The following ONECUT3 variants were observed in gnomAD, a reference collection of about 807,000 sequenced individuals.
The protein encoded by ONECUT3 is one cut homeobox 3, also known as one cut domain family member 3.
In ONECUT3, 11 loss-of-function variants were observed where a neutral mutation model predicts 16.8. The ratio of observed to expected loss-of-function variants is 0.66; its 90% CI spans 0.41 to 1.09. The LOEUF is 1.09. Among genes scored for constraint, ONECUT3 ranks in the 50% least tolerant of loss-of-function variants. The pLI is 0.00. For synonymous variants in ONECUT3, 344 were observed against 310.7 expected, an observed-to-expected ratio of 1.11 and a Z score of -1.13; for missense variants, 637 against 629.9, an observed-to-expected ratio of 1.01 and a Z score of -0.12.
At chr19:1,756,744 C>A (rs2067918338) in intron 1 of ONECUT3, among the ~76,000 whole-genome samples, 1 of 125,020 alleles carries the variant, frequency 8.0e-6, no homozygotes, top group Non-Finnish European at 1.6e-5. Context: ...GATGGAGTTT[C>A]ACCATGTTGG....
rs981423527 is a variant in ONECUT3 at position 1,759,565 on chromosome 19, C to T, written c.1192+4711C>T. ...GACCCCTGTGCCTTTTGCAAAAACC[C>T]CACTTTCCACTGCAAGGGGTCCACG... On this transcript the variant is annotated intron_variant, in intron 1 of 1. Transcript: ENST00000382349. The surrounding 1 kb of genome is among the most constrained non-coding windows in gnomAD (Gnocchi z 4.1). Among the ~76,000 whole-genome samples the T allele has an allele frequency of 9.9e-5, 15 of 152,020 alleles. No homozygotes were observed. The highest frequency in any genetic ancestry group is 3.4e-4 in the African/African-American group (14 of 41,380).
chr19:1,765,398 G>A (rs150572224), intron 1 of ONECUT3, among the ~76,000 whole-genome samples: 4 of 152,260 alleles, frequency 2.6e-5, no homozygotes, highest in Non-Finnish European at 5.9e-5. Flanking sequence ...GTATCCACTC[G>A]AAGGCCTCAG....
chr19:1,772,944 C>T (rs1387656646), intron 1 of ONECUT3, among the ~76,000 whole-genome samples: 1 of 150,714 alleles, frequency 6.6e-6, no homozygotes, highest in African/African-American at 2.5e-5. Context: ...ACCTCGTGAT[C>T]CGCCCGCCTC....
At position 1,754,187 on chromosome 19, in the gene ONECUT3, G is replaced by C; in HGVS notation, c.525G>C (p.Arg175=). The C allele has an allele frequency of 8.6e-7, 1 of 1,161,026 alleles. No individual in the cohort carries two copies. 71.9% of individuals were successfully genotyped at this position (1,161,026 alleles called of 1,614,324 possible). ...SGSFTLMRDE[R]AALASVGHLY... is the part of the protein sequence containing the mutation. ...GCTTCACCCTCATGCGCGACGAGCGGGCGGCGCTCGCCTCCGTGGGCCACC... is the reference window on the plus strand; with the variant it reads ...GCTTCACCCTCATGCGCGACGAGCGCGCGGCGCTCGCCTCCGTGGGCCACC... The change falls in exon 1 of 2, where the codon CGG becomes CGC. Residue 175 remains arginine (R), a synonymous_variant. Coordinates refer to ENST00000382349, the MANE Select transcript of ONECUT3 (RefSeq NM_001080488.2). The surrounding 1 kb of genome is among the most constrained non-coding windows in gnomAD (Gnocchi z 7.4).
At position 1,775,515 on chromosome 19, in the gene ONECUT3, T is replaced by G; in HGVS notation, c.*70T>G. 1 of 1,386,962 alleles carries G rather than the reference T, an allele frequency of 7.2e-7. No individual in the cohort carries two copies. The highest frequency in any genetic ancestry group is 9.3e-7 in the Non-Finnish European group (1 of 1,075,616). 85.9% of individuals were successfully genotyped at this position (1,386,962 alleles called of 1,614,324 possible). On this transcript the variant is annotated 3_prime_UTR_variant, in exon 2 of 2. Coordinates refer to ENST00000382349, the MANE Select transcript of ONECUT3 (RefSeq NM_001080488.2). Reference sequence around the variant, plus strand: ...TGTGCCCCCACGTCACCTCCCCACATCCTGCCGGCCCGGAGACCCGCCCCC... The same window carrying G: ...TGTGCCCCCACGTCACCTCCCCACAGCCTGCCGGCCCGGAGACCCGCCCCC...
At chr19:1,757,131 A>AT (rs1555798939) in intron 1 of ONECUT3, among the ~76,000 whole-genome samples, 3 of 79,740 alleles carry the variant, frequency 3.8e-5, no homozygotes, top group East Asian at 5.3e-4. Context: ...GAGAAGTCCC[A>AT]TGGGGGGGGG....
intron 1 of ONECUT3, among the ~76,000 whole-genome samples, chr19:1,770,356 G>C (rs2068042866): frequency 6.6e-6 from 1 of 152,082 alleles, no homozygotes; most frequent in African/African-American, 2.4e-5. Flanking sequence ...AGGATTGCTT[G>C]AGCCCAGGAG....
intron 1 of ONECUT3, among the ~76,000 whole-genome samples, chr19:1,770,939 A>G (rs1600356371): frequency 6.6e-6 from 1 of 152,190 alleles, no homozygotes; most frequent in South Asian, 2.1e-4. Flanking sequence ...CAGTCTCTCA[A>G]TATAATTACA....
intron 1 of ONECUT3, among the ~76,000 whole-genome samples, chr19:1,773,791 T>A (rs1473792102): frequency 1.3e-5 from 2 of 150,450 alleles, no homozygotes; most frequent in Non-Finnish European, 2.9e-5. Flanking sequence ...AATGAGCCCA[T>A]CTGACTTGTG....
At position 1,775,139 on chromosome 19, in the gene ONECUT3, C is replaced by CCCGT; in HGVS notation, c.1193-13_1193-12insCGTC. On this transcript the variant is annotated splice_polypyrimidine_tract_variant and intron_variant, in intron 1 of 1. Transcript: ENST00000382349. Reference sequence around the variant, plus strand: ...TGTGTCCCGCTCGCCCGCCCGCCCGCCGCTCGCCCGCAGCCTGCAAGCGCA... The same window carrying CCCGT: ...TGTGTCCCGCTCGCCCGCCCGCCCGCCCGTCGCTCGCCCGCAGCCTGCAAGCGCA... 1 of 1,367,560 alleles carries CCCGT rather than the reference C, an allele frequency of 7.3e-7. No homozygotes were observed. The highest frequency in any genetic ancestry group is 2.8e-5 in the East Asian group (1 of 35,752). 84.7% of individuals were successfully genotyped at this position (1,367,560 alleles called of 1,614,324 possible).
In ONECUT3 at chr19:1,766,365, G is replaced by A. The variant is rs1452493974; in HGVS notation, c.1193-8788G>A. Reference sequence around the variant, plus strand: ...ACGGGCCCGCCTTCAGGGGCGAGGCGGATGCTGCATCCTGAAGCCCTCCCT... The same window carrying A: ...ACGGGCCCGCCTTCAGGGGCGAGGCAGATGCTGCATCCTGAAGCCCTCCCT... On this transcript the variant is annotated intron_variant, in intron 1 of 1. Transcript: ENST00000382349. The surrounding 1 kb of genome is among the most constrained non-coding windows in gnomAD (Gnocchi z 4.0). 3.3e-5 allele frequency among the ~76,000 whole-genome samples: 5 copies of A among 151,804 alleles called. No homozygotes were observed. Among genetic ancestry groups the A allele is most frequent in the African/African-American group, 1.2e-4 (5 of 41,422 alleles).
chr19:1,771,149 GAC>G (rs2068050889), intron 1 of ONECUT3, among the ~76,000 whole-genome samples: 1 of 152,024 alleles, frequency 6.6e-6, no homozygotes, highest in Non-Finnish European at 1.5e-5. Flanking sequence ...AACTCAATAG[GAC>G]TTTCCACACA....
rs1304754822 is a variant in ONECUT3, at chr19:1,777,976, C to T, written c.*2531C>T. The T allele has an allele frequency of 8.7e-6, 1 of 114,828 alleles. No homozygotes were observed. 7.1% of individuals were successfully genotyped at this position (114,828 alleles called of 1,614,324 possible). A position where few individuals can be genotyped will look rare whatever the true frequency, so the allele number is the denominator to read the frequency against. On this transcript the variant is annotated 3_prime_UTR_variant, in exon 2 of 2. Transcript: ENST00000382349. ...CGCCACTACACTCTAGCCTGGGCAA[C>T]GAGAGCAAAACTCCCTCTCAAAAAA...
intron 1 of ONECUT3, among the ~76,000 whole-genome samples, chr19:1,765,765 C>T (rs1600346650): frequency 6.6e-6 from 1 of 152,212 alleles, no homozygotes; most frequent in South Asian, 2.1e-4. Flanking sequence ...CCAGGGTGCG[C>T]GTTCAAGGCC....
Position 1,753,983 on chromosome 19 carries a change from G to A in ONECUT3, c.321G>A (p.Thr107=), listed in dbSNP as rs1438696824. ...CGGGCCTGGGCGGCACCTACACGAC[G>A]CTCACGCCCCTGCAGCACCTGCCGC... is the stretch of plus-strand genomic sequence containing the variant. ...EAPGLGGTYT[T]LTPLQHLPPL... Residue 107 remains threonine (T), a synonymous_variant, in exon 1 of 2, where the codon ACG becomes ACA. Coordinates refer to ENST00000382349, the MANE Select transcript of ONECUT3 (RefSeq NM_001080488.2). 3 of 995,114 alleles carry A rather than the reference G, an allele frequency of 3.0e-6. No homozygotes were observed. Among genetic ancestry groups the A allele is most frequent in the Non-Finnish European group, 3.6e-6 (3 of 837,562 alleles). 61.6% of individuals were successfully genotyped at this position (995,114 alleles called of 1,614,324 possible).
intron 1 of ONECUT3, 81 bp from the exon 2 acceptor site, chr19:1,775,071 GC>G: frequency 1.2e-6 from 1 of 856,128 alleles, no homozygotes; most frequent in South Asian, 1.9e-5. Context: ...CCTCCGGGCG[GC>G]GTGCGCCTCC....
chr19:1,765,651 G>A (rs1159432304), intron 1 of ONECUT3, among the ~76,000 whole-genome samples: 4 of 152,192 alleles, frequency 2.6e-5, no homozygotes, highest in Admixed American at 6.5e-5. Context: ...TCCGTGCTTC[G>A]GCGTTCATTC....
chr19:1,769,854 T>C (rs568572611), intron 1 of ONECUT3, among the ~76,000 whole-genome samples: 1 of 151,998 alleles, frequency 6.6e-6, no homozygotes, highest in East Asian at 1.9e-4. Flanking sequence ...AACGGGAAGT[T>C]TTTTCAGACT....
rs1395614723 is a variant in ONECUT3 at position 1,755,470 on chromosome 19, G to A, written c.1192+616G>A. Among the ~76,000 whole-genome samples the A allele has an allele frequency of 6.6e-6, 1 of 152,010 alleles. No individual in the cohort carries two copies. The highest frequency in any genetic ancestry group is 1.5e-5 in the Non-Finnish European group (1 of 67,928). The stretch of plus-strand genomic sequence containing the variant: ...CCCTCCCTCTCCCCTCCGGCCGCTG[G>A]CAAAGGTCACCCGAGAATGGCGGGG... On this transcript the variant is annotated intron_variant, in intron 1 of 1. Coordinates refer to ENST00000382349, the MANE Select transcript of ONECUT3 (RefSeq NM_001080488.2). This position sits in a 1 kb window ranked among gnomAD's most constrained non-coding sequence, Gnocchi z 7.5.
Sources: gnomAD v4.1 joint callset for allele counts (sites outside exome capture counted in the v4.1 genomes callset) on GRCh38, gnomAD v4.1.1 for gene constraint, Gnocchi (gnomAD v3.1) non-coding constraint, MANE v1.5 for transcripts, NCBI Gene and HGNC (gene_info 2026-07-23, HGNC 2026-07-21) for gene names.